Variants in DZANK1 observed in about 807,000 individuals in gnomAD.
DZANK1 encodes double zinc ribbon and ankyrin repeat-containing protein 1.
DZANK1 carries 91 observed loss-of-function variants against 94.5 expected under a neutral mutation model. That is an observed-to-expected ratio of 0.96 (90% CI 0.81 to 1.15). The LOEUF (loss-of-function observed/expected upper bound fraction) is 1.15, where lower values mean the gene tolerates loss of function less well. DZANK1 is among the 50% of genes most tolerant of loss of function. DZANK1 has a pLI of 0.00. For synonymous variants in DZANK1, 312 were observed against 325.3 expected, an observed-to-expected ratio of 0.96 and a Z score of 0.44; for missense variants, 903 against 916.4, an observed-to-expected ratio of 0.99 and a Z score of 0.19.
chr20:18,453,893 T>C (rs562597521), intron 4 of DZANK1, 66 bp from the exon 5 acceptor site: 2 of 990,522 alleles, frequency 2.0e-6, no homozygotes, highest in Non-Finnish European at 3.3e-6. Context: ...AGCTGCATGA[T>C]AGAGAAAGTG....
intron 10 of DZANK1, among the ~76,000 whole-genome samples, chr20:18,419,344 C>A (rs1409549596): frequency 6.6e-6 from 1 of 151,626 alleles, no homozygotes; most frequent in Non-Finnish European, 1.5e-5. Flanking sequence ...CATGGACTTC[C>A]AGACGGAGAG....
exon 17 of DZANK1, chr20:18,393,730 T>C (rs755629113): frequency 2.5e-6 from 4 of 1,610,434 alleles, no homozygotes; most frequent in Non-Finnish European, 3.4e-6. Flanking sequence ...CTCCTTCTTT[T>C]CTTGAAAAGT....
At chr20:18,384,343 G>C (rs2048350075) in exon 21 of DZANK1, 1 of 1,522,224 alleles carries the variant, frequency 6.6e-7, no homozygotes, top group Non-Finnish European at 8.8e-7. Flanking sequence ...ACAGGCGTAA[G>C]CCACTGTGCC....
At chr20:18,388,183 C>G (rs2048626958) in intron 19 of DZANK1, among the ~76,000 whole-genome samples, 1 of 152,214 alleles carries the variant, frequency 6.6e-6, no homozygotes, top group South Asian at 2.1e-4. Context: ...GGCCAACCCT[C>G]TAGCTTTCCT....
At chr20:18,446,702 A>G (rs1037337553) in intron 7 of DZANK1, among the ~76,000 whole-genome samples, 3 of 152,232 alleles carry the variant, frequency 2.0e-5, no homozygotes, top group African/African-American at 7.2e-5. Flanking sequence ...CTGAAAAAAA[A>G]TCTTCCTGAA....
At chr20:18,394,451 G>T in intron 15 of DZANK1, 101 bp from the exon 16 acceptor site, 1 of 1,127,104 alleles carries the variant, frequency 8.9e-7, no homozygotes, top group Non-Finnish European at 1.3e-6. Context: ...ATTAAGTACA[G>T]CTCTACCTAC....
In DZANK1 at chr20:18,448,798, C is replaced by T. The variant is rs558664317; in HGVS notation, c.629+186G>A. Among the ~76,000 whole-genome samples the T allele has an allele frequency of 7.7e-4, 112 of 144,806 alleles. 1 individual carries two copies. Among genetic ancestry groups the T allele is most frequent in the Non-Finnish European group, 7.5e-4 (50 of 67,110 alleles). The allele number at this position is 144,806 out of a possible 152,430, so 95.0% of individuals were successfully genotyped here. On this transcript the variant is annotated intron_variant, in intron 7 of 20. Transcript: ENST00000262547. ...AGGAGAATCGCTTGAACCCAGGAGG[C>T]GGAGGTTGCAGTGAGCCAAAACTGC...
At chr20:18,388,315 T>A (rs1478560333) in intron 19 of DZANK1, among the ~76,000 whole-genome samples, 1 of 152,106 alleles carries the variant, frequency 6.6e-6, no homozygotes, top group East Asian at 1.9e-4. Context: ...TTTACAGACA[T>A]GCAATGAGAT....
chr20:18,443,537 A>T, intron 7 of DZANK1, 73 bp from the exon 8 acceptor site: 5 of 870,222 alleles, frequency 5.7e-6, no homozygotes, highest in Non-Finnish European at 8.5e-6. Flanking sequence ...AAAATCTAAA[A>T]GCGGTCAAAC....
chr20:18,394,180 GT>G, intron 16 of DZANK1, 73 bp downstream of exon 16: 1 of 1,331,622 alleles, frequency 7.5e-7, no homozygotes, highest in East Asian at 2.5e-5. Flanking sequence ...ACTCTTAGCA[GT>G]TCTCTGCTAT....
intron 6 of DZANK1, 116 bp downstream of exon 6, chr20:18,452,499 G>C (rs1340236804): frequency 1.6e-6 from 2 of 1,243,256 alleles, no homozygotes; most frequent in Non-Finnish European, 2.2e-6. Context: ...CCCAGCACTA[G>C]AACAGTGCCT....
exon 21 of DZANK1, chr20:18,383,924 C>T (rs2048327916): frequency 6.5e-6 from 1 of 153,096 alleles, no homozygotes; most frequent in Non-Finnish European, 1.5e-5. Context: ...ATACTGGGAG[C>T]TGTCCATTTA....
chr20:18,448,143 T>C (rs2058952604), intron 7 of DZANK1, among the ~76,000 whole-genome samples: 1 of 152,188 alleles, frequency 6.6e-6, no homozygotes, highest in Non-Finnish European at 1.5e-5. Flanking sequence ...CAAATTCCCA[T>C]CAATAAGTGA....
At chr20:18,390,415 T>G (rs1170867579) in exon 18 of DZANK1, 2 of 1,613,960 alleles carry the variant, frequency 1.2e-6, no homozygotes, top group East Asian at 4.5e-5. Context: ...AGACTCTTCC[T>G]TCCCCCGTGG....
rs750385324 is a variant in DZANK1, at chr20:18,444,798, GTTTATTTATTTA to G, written c.630-1346_630-1335del. ...AAAGAAACCAACTTTATATTTGTTT[GTTTATTTATTTA>G]TTTATTTAGAGACGGAGTCTTGCTC... is the stretch of plus-strand genomic sequence containing the variant. On this transcript the variant is annotated intron_variant, in intron 7 of 20. Transcript: ENST00000262547. Among the ~76,000 whole-genome samples, 981 of 152,002 alleles carry G rather than the reference GTTTATTTATTTA, an allele frequency of 6.5e-3. 10 individuals carry two copies. The highest frequency in any genetic ancestry group is 0.022 in the African/African-American group (926 of 41,476).
Position 18,389,706 on chromosome 20 carries a change from C to T in DZANK1, c.2013G>A (p.Trp671Ter). The T allele has an allele frequency of 6.2e-7, 1 of 1,613,874 alleles. No individual in the cohort carries two copies. Among genetic ancestry groups the T allele is most frequent in the Non-Finnish European group, 8.5e-7 (1 of 1,179,844 alleles). Residue 671 changes from tryptophan to a stop codon, truncating the protein, a stop_gained, in exon 19 of 21, where the codon TGG becomes TGA. Transcript: ENST00000262547. LOFTEE classifies it high-confidence loss of function. ...TTTCAATGTGTTTCACTTACGGCCC[C>T]CACTGCTGGTCGATGTCTGCTCCTC...
At chr20:18,412,967 C>G (rs1337787027) in intron 12 of DZANK1, 114 bp from the exon 13 acceptor site, 1 of 1,011,850 alleles carries the variant, frequency 9.9e-7, no homozygotes, top group Non-Finnish European at 1.4e-6. Context: ...GAAAAGTGTA[C>G]TTGGAACTAA....
intron 12 of DZANK1, among the ~76,000 whole-genome samples, chr20:18,413,443 G>C (rs1285099413): frequency 6.6e-6 from 1 of 152,176 alleles, no homozygotes; most frequent in South Asian, 2.1e-4. Flanking sequence ...AAAGGAATAA[G>C]GGCTAGTGGC....
intron 13 of DZANK1, among the ~76,000 whole-genome samples, chr20:18,399,356 C>T (rs575741429): frequency 4.6e-5 from 7 of 152,088 alleles, no homozygotes; most frequent in East Asian, 1.9e-4. Flanking sequence ...CAGCCACCCA[C>T]GTAGCTGGAA....
Sources: allele counts gnomAD v4.1 joint callset (sites outside exome capture counted in the v4.1 genomes callset), GRCh38; gene constraint gnomAD v4.1.1; transcripts MANE v1.5; gene names NCBI Gene and HGNC (gene_info 2026-07-23, HGNC 2026-07-21).